SOS1: variants seen among roughly 807,000 people sequenced by gnomAD.
SOS1 encodes son of sevenless homolog 1.
SOS1 carries 25 observed loss-of-function variants against 157.6 expected under a neutral mutation model. The ratio of observed to expected loss-of-function variants is 0.16; its 90% CI spans 0.12 to 0.22. SOS1 has a LOEUF of 0.22. Ranked by LOEUF, SOS1 falls within the 10% of genes least tolerant of loss-of-function variation. SOS1 has a pLI of 1.00. For synonymous variants in SOS1, 528 were observed against 534.0 expected (o/e 0.99, Z 0.16); for missense variants, 1,237 against 1,599.1 (o/e 0.77, Z 3.86).
chr2:39,080,235 G>C (rs1672156742), intron 1 of SOS1, among the ~76,000 whole-genome samples: 1 of 151,922 alleles, frequency 6.6e-6, no homozygotes, highest in African/African-American at 2.4e-5. Context: ...TTCTCATAAG[G>C]AGTACGCAAC....
chr2:39,005,698 A>G (rs528686759), intron 17 of SOS1, among the ~76,000 whole-genome samples: 5 of 152,202 alleles, frequency 3.3e-5, no homozygotes, highest in South Asian at 2.1e-4. Flanking sequence ...ATTTAAAACT[A>G]TATAAAAAAT....
At chr2:39,094,988 CA>C (rs1355204951) in intron 1 of SOS1, among the ~76,000 whole-genome samples, 1 of 152,058 alleles carries the variant, frequency 6.6e-6, no homozygotes, top group Non-Finnish European at 1.5e-5. Flanking sequence ...ATATATAATA[CA>C]AATAAAAGTA....
chr2:39,098,909 A>G (rs1265681352), intron 1 of SOS1, among the ~76,000 whole-genome samples: 1 of 152,156 alleles, frequency 6.6e-6, no homozygotes, highest in Non-Finnish European at 1.5e-5. Flanking sequence ...TATTCTTACA[A>G]CTCAACAGTA....
intron 1 of SOS1, among the ~76,000 whole-genome samples, chr2:39,102,252 G>T (rs1672998179): frequency 1.5e-5 from 2 of 131,368 alleles, no homozygotes; most frequent in Admixed American, 8.6e-5. Context: ...TCCCGGTGTG[G>T]TAGCTCATAC....
intron 1 of SOS1, among the ~76,000 whole-genome samples, chr2:39,093,500 G>A (rs1045011097): frequency 7.9e-5 from 12 of 152,188 alleles, no homozygotes; most frequent in African/African-American, 2.9e-4. Flanking sequence ...GTTCTGTTCA[G>A]AGATAATTTT....
At chr2:39,067,274 A>G (rs771664119) in intron 2 of SOS1, among the ~76,000 whole-genome samples, 72 of 152,248 alleles carry the variant, frequency 4.7e-4, no homozygotes, top group Middle Eastern at 6.8e-3. Flanking sequence ...TTGGCCTCCC[A>G]AAGTGCTGGG....
At chr2:39,099,862 TG>T (rs1461864008) in intron 1 of SOS1, among the ~76,000 whole-genome samples, 1 of 152,066 alleles carries the variant, frequency 6.6e-6, no homozygotes, top group Non-Finnish European at 1.5e-5. Context: ...CCTCAGCCTC[TG>T]GAGTAGCCGG....
intron 8 of SOS1, among the ~76,000 whole-genome samples, chr2:39,029,342 T>C (rs1038516964): frequency 6.6e-6 from 1 of 152,136 alleles, no homozygotes; most frequent in African/African-American, 2.4e-5. Context: ...AAATTAAAAA[T>C]TGGCCAGGTA....
At chr2:38,991,745 T>G (rs1424300595) in intron 20 of SOS1, among the ~76,000 whole-genome samples, 1 of 152,156 alleles carries the variant, frequency 6.6e-6, no homozygotes, top group African/African-American at 2.4e-5. Context: ...TCTTTACCAC[T>G]ATTTTTAGCG....
chr2:39,124,281 C>G (rs1332317334), upstream of SOS1: 1 of 152,394 alleles, frequency 6.6e-6, no homozygotes, highest in Non-Finnish European at 1.5e-5. Flanking sequence ...CCACCAATCC[C>G]CCGCGCCAGC....
At chr2:39,113,036 CAAAAA>C (rs543968368) in intron 1 of SOS1, among the ~76,000 whole-genome samples, 1 of 131,644 alleles carries the variant, frequency 7.6e-6, no homozygotes, top group Non-Finnish European at 1.6e-5. Context: ...GACTCTGTCT[CAAAAA>C]AAAAAAAGAA....
intron 5 of SOS1, among the ~76,000 whole-genome samples, chr2:39,054,162 C>T (rs1054813411): frequency 6.6e-6 from 1 of 152,100 alleles, no homozygotes; most frequent in Non-Finnish European, 1.5e-5. Flanking sequence ...CTCCTGACCT[C>T]GTGATCTGCC....
At chr2:39,053,359 A>T (rs1288330052) in intron 5 of SOS1, among the ~76,000 whole-genome samples, 2 of 152,164 alleles carry the variant, frequency 1.3e-5, no homozygotes, top group African/African-American at 4.8e-5. Context: ...TCTAATGATT[A>T]GTGATGTTGA....
intron 1 of SOS1, among the ~76,000 whole-genome samples, chr2:39,115,266 C>T (rs976398249): frequency 6.6e-6 from 1 of 152,164 alleles, no homozygotes; most frequent in African/African-American, 2.4e-5. Flanking sequence ...AACCACTGAT[C>T]TGCACTAGTT....
intron 3 of SOS1, among the ~76,000 whole-genome samples, chr2:39,057,184 T>G (rs1558492631): frequency 1.3e-5 from 2 of 152,158 alleles, no homozygotes; most frequent in East Asian, 3.9e-4. Context: ...TGTTACCTAA[T>G]TCAGAATACC....
chr2:39,091,474 T>G (rs962801546), intron 1 of SOS1, among the ~76,000 whole-genome samples: 1 of 152,012 alleles, frequency 6.6e-6, no homozygotes, highest in Non-Finnish European at 1.5e-5. Context: ...GCCCCTTAAC[T>G]CTTTTCCAAC....
At chr2:39,115,402 C>CTTTTTTTTTTTTTTTTTTT (rs1558520809) in intron 1 of SOS1, among the ~76,000 whole-genome samples, 1 of 99,556 alleles carries the variant, frequency 1.0e-5, no homozygotes, top group Non-Finnish European at 2.2e-5. Flanking sequence ...AATTTGTTCT[C>CTTTTTTTTTTTTTTTTTTT]TCTCTTTTTT....
chr2:38,985,572 C>T lies in SOS1; in HGVS notation c.*252G>A, dbSNP rs1668530758. ...CTCCTGCCTATTGGCCAGAAAAAGT[C>T]CCTTTATGATTTTCAGGTGCAATCA... On this transcript the variant is annotated 3_prime_UTR_variant, in exon 23 of 23. Coordinates refer to ENST00000402219, the MANE Select transcript of SOS1 (RefSeq NM_005633.4). The T allele has an allele frequency of 2.2e-6, 1 of 464,464 alleles. No homozygotes were observed. The highest frequency in any genetic ancestry group is 3.4e-5 in the Admixed American group (1 of 29,642). The allele number at this position is 464,464 out of a possible 1,614,324, so 28.8% of individuals were successfully genotyped here.
chr2:39,058,572 CTTAAG>C, intron 3 of SOS1, 96 bp downstream of exon 3: 2 of 1,285,242 alleles, frequency 1.6e-6, no homozygotes, highest in Non-Finnish European at 2.2e-6. Flanking sequence ...GAATTTTACT[CTTAAG>C]TTGACTCAAT....
Sources: gnomAD v4.1 joint callset for allele counts (sites outside exome capture counted in the v4.1 genomes callset) on GRCh38, gnomAD v4.1.1 for gene constraint, MANE v1.5 for transcripts, NCBI Gene and HGNC (gene_info 2026-07-23, HGNC 2026-07-21) for gene names.